Variants in SPIDR observed in about 807,000 individuals in gnomAD.
SPIDR encodes the protein DNA repair-scaffolding protein.
In SPIDR, 93 loss-of-function variants were observed where a neutral mutation model predicts 104.6. That is an observed-to-expected ratio of 0.89 (90% confidence interval 0.75 to 1.06). SPIDR has a LOEUF of 1.06. SPIDR is among the 50% of genes least tolerant of loss of function. SPIDR has a pLI of 0.00. For synonymous variants in SPIDR, 431 were observed against 416.9 expected, an observed-to-expected ratio of 1.03 and a Z score of -0.41; for missense variants, 1,154 against 1,111.2, an observed-to-expected ratio of 1.04 and a Z score of -0.55.
intron 5 of SPIDR, among the ~76,000 whole-genome samples, chr8:47,300,033 C>T (rs1251394741): frequency 1.3e-5 from 2 of 152,156 alleles, no homozygotes. Context: ...ATGGTACCAG[C>T]TCCTCTTTGT....
chr8:47,380,563 C>T (rs782266336), intron 5 of SPIDR, among the ~76,000 whole-genome samples: 2 of 152,090 alleles, frequency 1.3e-5, no homozygotes, highest in Middle Eastern at 6.8e-3. Flanking sequence ...CCTCTTGCCC[C>T]GCTGTCTGTC....
At chr8:47,705,616 G>C (rs1011230699) in intron 14 of SPIDR, among the ~76,000 whole-genome samples, 1 of 152,168 alleles carries the variant, frequency 6.6e-6, no homozygotes, top group Non-Finnish European at 1.5e-5. Flanking sequence ...CATAAAAACA[G>C]ACCCAGACTA....
intron 5 of SPIDR, among the ~76,000 whole-genome samples, chr8:47,296,841 A>T (rs1344870819): frequency 2.6e-5 from 4 of 152,214 alleles, no homozygotes; most frequent in Non-Finnish European, 5.9e-5. Flanking sequence ...AAGTATGAAT[A>T]GTTTAACAAT....
At chr8:47,505,299 C>G (rs1440647429) in intron 8 of SPIDR, among the ~76,000 whole-genome samples, 1 of 152,212 alleles carries the variant, frequency 6.6e-6, no homozygotes, top group Non-Finnish European at 1.5e-5. Context: ...TCGAGCTTCC[C>G]CGCCACTTTG....
chr8:47,545,143 C>T (rs537160528), intron 8 of SPIDR, among the ~76,000 whole-genome samples: 4 of 121,516 alleles, frequency 3.3e-5, no homozygotes, highest in South Asian at 2.8e-4. Context: ...TTTGTTGAAA[C>T]GGAGTCTCAC....
intron 5 of SPIDR, among the ~76,000 whole-genome samples, chr8:47,322,171 G>A (rs927144029): frequency 6.6e-5 from 10 of 152,118 alleles, no homozygotes; most frequent in Non-Finnish European, 1.3e-4. Flanking sequence ...TACAGAATGG[G>A]AGAAAATTTT....
chr8:47,735,767 G>C lies in SPIDR; in HGVS notation c.*317G>C. 1.9e-6 allele frequency: 1 copy of C among 524,736 alleles called. No homozygotes were observed. The allele number at this position is 524,736 out of a possible 1,614,324, so 32.5% of individuals were successfully genotyped here. A position where few individuals can be genotyped will look rare whatever the true frequency, so the allele number is the denominator to read the frequency against. ...AGAAAAAAATTTTTTTTGTTCATTT[G>C]TAATTTTAACAAGTTGAACATTTTA... On this transcript the variant is annotated 3_prime_UTR_variant, in exon 20 of 20. Transcript: ENST00000297423.
chr8:47,659,757 G>A, intron 10 of SPIDR: 1 of 981,804 alleles, frequency 1.0e-6, no homozygotes, highest in Non-Finnish European at 1.2e-6. Flanking sequence ...TTCATCCTCT[G>A]ATTTCTTGGT....
intron 10 of SPIDR, among the ~76,000 whole-genome samples, chr8:47,608,207 C>T (rs562398257): frequency 2.0e-5 from 3 of 152,244 alleles, no homozygotes; most frequent in Non-Finnish European, 2.9e-5. Context: ...ACAAATCTTT[C>T]GTGACTGGCT....
At chr8:47,354,000 G>A (rs782223154) in intron 5 of SPIDR, among the ~76,000 whole-genome samples, 2 of 151,914 alleles carry the variant, frequency 1.3e-5, no homozygotes, top group Non-Finnish European at 2.9e-5. Context: ...TACAGACAAC[G>A]CTTTGATACT....
intron 8 of SPIDR, among the ~76,000 whole-genome samples, chr8:47,577,772 G>A (rs541369597): frequency 3.9e-5 from 6 of 152,268 alleles, no homozygotes; most frequent in African/African-American, 1.4e-4. Flanking sequence ...GGGTCCAATA[G>A]CATCAACATA....
At chr8:47,568,560 G>A (rs999735727) in intron 8 of SPIDR, among the ~76,000 whole-genome samples, 4 of 152,194 alleles carry the variant, frequency 2.6e-5, no homozygotes, top group African/African-American at 9.7e-5. Flanking sequence ...GTCAAGTTCA[G>A]CTTTCACATT....
At chr8:47,589,107 C>T (rs921756312) in intron 8 of SPIDR, among the ~76,000 whole-genome samples, 2 of 142,408 alleles carry the variant, frequency 1.4e-5, no homozygotes, top group African/African-American at 5.3e-5. Flanking sequence ...GAAGTGTTTC[C>T]TCCTCTTCTG....
chr8:47,676,500 A>G (rs889696252), intron 11 of SPIDR, among the ~76,000 whole-genome samples: 36 of 146,818 alleles, frequency 2.5e-4, no homozygotes, highest in Non-Finnish European at 4.9e-4. Flanking sequence ...ATGGCCCAGT[A>G]AACACAACAT....
chr8:47,398,271 G>A (rs2061463081), intron 6 of SPIDR, among the ~76,000 whole-genome samples: 1 of 152,182 alleles, frequency 6.6e-6, no homozygotes, highest in Non-Finnish European at 1.5e-5. Flanking sequence ...CCCTGCTGAG[G>A]GCCGACCACT....
intron 7 of SPIDR, chr8:47,419,070 T>TA (rs1220665627): frequency 1.3e-5 from 2 of 152,234 alleles, no homozygotes; most frequent in Non-Finnish European, 2.9e-5. Context: ...GATATTGGTC[T>TA]AAAATTCTCT....
chr8:47,614,566 G>T (rs2064034046), intron 10 of SPIDR, among the ~76,000 whole-genome samples: 1 of 152,186 alleles, frequency 6.6e-6, no homozygotes, highest in African/African-American at 2.4e-5. Context: ...TGGTGTATAT[G>T]TACCACATTT....
At chr8:47,284,308 ATAAC>A (rs2038387191) in intron 3 of SPIDR, among the ~76,000 whole-genome samples, 2 of 152,184 alleles carry the variant, frequency 1.3e-5, no homozygotes, top group South Asian at 4.1e-4. Flanking sequence ...CTGCCTACAG[ATAAC>A]TAACATTTTT....
At chr8:47,447,784 C>G (rs1554703050) in intron 8 of SPIDR, among the ~76,000 whole-genome samples, 2 of 152,188 alleles carry the variant, frequency 1.3e-5, no homozygotes, top group Non-Finnish European at 2.9e-5. Flanking sequence ...CCAGCCTTCA[C>G]ACACCACCAC....
Sources: gnomAD v4.1 joint callset for allele counts (sites outside exome capture counted in the v4.1 genomes callset) on GRCh38, gnomAD v4.1.1 for gene constraint, MANE v1.5 for transcripts, NCBI Gene and HGNC (gene_info 2026-07-23, HGNC 2026-07-21) for gene names.